ZNF407: variants seen among roughly 807,000 people sequenced by gnomAD.
The protein encoded by ZNF407 is zinc finger protein 407.
A neutral mutation model predicts 131.2 loss-of-function variants in ZNF407; 17 were observed. The ratio of observed to expected loss-of-function variants is 0.13; its 90% CI spans 0.09 to 0.19. The LOEUF (loss-of-function observed/expected upper bound fraction) is 0.19, where lower values mean the gene tolerates loss of function less well. Among genes scored for constraint, ZNF407 ranks in the 10% least tolerant of loss-of-function variants. The pLI, the probability that ZNF407 is intolerant of heterozygous loss-of-function variation, is 1.00. For synonymous variants in ZNF407, 1,156 were observed against 1,062.0 expected, an observed-to-expected ratio of 1.09 and a Z score of -1.72; for missense variants, 2,681 against 2,830.6, an observed-to-expected ratio of 0.95 and a Z score of 1.20.
intron 8 of ZNF407, among the ~76,000 whole-genome samples, chr18:74,928,375 A>T (rs549459859): frequency 6.6e-6 from 1 of 152,314 alleles, no homozygotes; most frequent in East Asian, 1.9e-4. Context: ...TATTATGTAG[A>T]TGAAGCTTCC....
At chr18:74,682,920 A>G (rs545689976) in intron 3 of ZNF407, among the ~76,000 whole-genome samples, 1 of 152,226 alleles carries the variant, frequency 6.6e-6, no homozygotes, top group South Asian at 2.1e-4. Flanking sequence ...CTTTCTGTGC[A>G]TGTATGCACA....
Position 74,635,177 on chromosome 18 carries a change from TAGTG to T in ZNF407, c.4161_4164del (p.Glu1388CysfsTer3). On this transcript the variant is annotated frameshift_variant, in exon 2 of 9. Coordinates refer to ENST00000299687, the MANE Select transcript of ZNF407 (RefSeq NM_017757.3). LOFTEE classifies it high-confidence loss of function. The surrounding 1 kb of genome is among the most constrained non-coding windows in gnomAD (Gnocchi z 4.7). Reference sequence around the variant, plus strand: ...GCTTGATAGCAACGGGAGTGAGAATTAGTGAGCTGCCCTTGAAAGACTGTGCTCA... The same window carrying T: ...GCTTGATAGCAACGGGAGTGAGAATTAGCTGCCCTTGAAAGACTGTGCTCA... 6.2e-7 allele frequency: 1 copy of T among 1,613,954 alleles called. No homozygotes were observed.
rs544770885 is a variant in ZNF407 at position 74,657,702 on chromosome 18, C to T, written c.4802+16580C>T. Among the ~76,000 whole-genome samples the T allele has an allele frequency of 2.6e-5, 4 of 152,244 alleles. No individual in the cohort carries two copies. The South Asian group carries it at 8.3e-4, about 32-fold the overall frequency. ...TTCCTCGGCATTGTCTGAATCACTT[C>T]TTATACCCCACTGCAGCAGCAGTGT... is the stretch of plus-strand genomic sequence containing the variant. On this transcript the variant is annotated intron_variant, in intron 3 of 8. Transcript: ENST00000299687.
In ZNF407 at chr18:75,060,757, G is replaced by A. The variant is rs568954841; in HGVS notation, c.5429-2393G>A. ...CCTGACCTCGTGATCCGTCCGCCTC[G>A]GCCTCCCAAAGTGCTGGGATGACAG... On this transcript the variant is annotated intron_variant, in intron 8 of 8. Coordinates refer to ENST00000299687, the MANE Select transcript of ZNF407 (RefSeq NM_017757.3). Among the ~76,000 whole-genome samples, 49 of 151,464 alleles carry A rather than the reference G, an allele frequency of 3.2e-4. No individual in the cohort carries two copies. The South Asian group carries it at 4.2e-3, about 13-fold the overall frequency.
chr18:74,757,552 A>T (rs1279979452), intron 3 of ZNF407, among the ~76,000 whole-genome samples: 1 of 152,052 alleles, frequency 6.6e-6, no homozygotes, highest in Non-Finnish European at 1.5e-5. Flanking sequence ...AGATGTCCTG[A>T]TGCTTATTTT....
At chr18:74,657,919 C>G (rs1205975150) in intron 3 of ZNF407, among the ~76,000 whole-genome samples, 1 of 151,492 alleles carries the variant, frequency 6.6e-6, no homozygotes, top group Non-Finnish European at 1.5e-5. Context: ...TCTTCTTCTT[C>G]TTCTTCTTCT....
In ZNF407 at chr18:74,635,715, C is replaced by G; in HGVS notation, c.4687+9C>G. 1 of 1,554,846 alleles carries G rather than the reference C, an allele frequency of 6.4e-7. No individual in the cohort carries two copies. Among genetic ancestry groups the G allele is most frequent in the Non-Finnish European group, 8.7e-7 (1 of 1,150,806 alleles). On this transcript the variant is annotated intron_variant, in intron 2 of 8. Transcript: ENST00000299687. This position sits in a 1 kb window ranked among gnomAD's most constrained non-coding sequence, Gnocchi z 4.7. ...CATTCGCACTCACACAGGTATGTAG[C>G]TCTGCAGCAAGCCAAGTCAGTGAGG...
intron 8 of ZNF407, among the ~76,000 whole-genome samples, chr18:74,964,633 T>C (rs1385357158): frequency 2.6e-5 from 4 of 151,514 alleles, no homozygotes; most frequent in Non-Finnish European, 4.4e-5. Context: ...AACCAAACTT[T>C]TAAATTGTTG....
chr18:75,055,061 C>G (rs562222882), intron 8 of ZNF407, among the ~76,000 whole-genome samples: 1 of 152,182 alleles, frequency 6.6e-6, no homozygotes. Flanking sequence ...CCTCAACACC[C>G]GGAAATGTGT....
In ZNF407 at chr18:74,648,732, G is replaced by A. The variant is rs921007855; in HGVS notation, c.4802+7610G>A. On this transcript the variant is annotated intron_variant, in intron 3 of 8. Transcript: ENST00000299687. ...AATAATAATTAAGAGGACATATGCA[G>A]TTACGTAGCCGTGCTACCTATGTCC... is the stretch of plus-strand genomic sequence containing the variant. Among the ~76,000 whole-genome samples, 6 of 152,212 alleles carry A rather than the reference G, an allele frequency of 3.9e-5. No homozygotes were observed. In the South Asian group the frequency reaches 1.2e-3, roughly 32 times the overall value.
chr18:74,678,286 G>GAA (rs746083088), intron 3 of ZNF407, among the ~76,000 whole-genome samples: 60 of 152,192 alleles, frequency 3.9e-4, no homozygotes, highest in Non-Finnish European at 4.1e-4. Flanking sequence ...AGTACAGTTT[G>GAA]AAGCTGGGCA....
At chr18:74,654,746 T>A (rs892540145) in intron 3 of ZNF407, among the ~76,000 whole-genome samples, 1 of 151,904 alleles carries the variant, frequency 6.6e-6, no homozygotes, top group African/African-American at 2.4e-5. Flanking sequence ...ATTGTTCATT[T>A]TTCTGGTCTG....
At chr18:74,640,811 C>G (rs1984679572) in intron 2 of ZNF407, among the ~76,000 whole-genome samples, 197 bp from the exon 3 acceptor site, 1 of 152,144 alleles carries the variant, frequency 6.6e-6, no homozygotes, top group Admixed American at 6.5e-5. Flanking sequence ...TAGGAAGACT[C>G]ACTGAAACAA....
intron 7 of ZNF407, among the ~76,000 whole-genome samples, chr18:74,916,744 T>C (rs1971775636): frequency 7.2e-6 from 1 of 138,996 alleles, no homozygotes; most frequent in Non-Finnish European, 1.5e-5. Context: ...TGTGTGCTGG[T>C]ATGGTGAGAT....
chr18:74,677,257 A>G (rs936314313), intron 3 of ZNF407, among the ~76,000 whole-genome samples: 2 of 151,960 alleles, frequency 1.3e-5, no homozygotes, highest in Non-Finnish European at 2.9e-5. Flanking sequence ...CACCAGGTTA[A>G]TTTCTGTATT....
Position 74,988,637 on chromosome 18 carries a change from TATA to T in ZNF407, c.5428+67956_5428+67958del, listed in dbSNP as rs1431634398. Among the ~76,000 whole-genome samples the T allele has an allele frequency of 5.9e-5, 9 of 151,352 alleles. No homozygotes were observed. The South Asian group carries it at 1.7e-3, about 28-fold the overall frequency. On this transcript the variant is annotated intron_variant, in intron 8 of 8. Coordinates refer to ENST00000299687, the MANE Select transcript of ZNF407 (RefSeq NM_017757.3). ...AATTCTGTAACCCTAAAACTTGAAG[TATA>T]ATAATAATAAAAAAAATAAATAAAC...
At chr18:75,034,404 T>C (rs1241336415) in intron 8 of ZNF407, among the ~76,000 whole-genome samples, 3 of 149,206 alleles carry the variant, frequency 2.0e-5, no homozygotes, top group Middle Eastern at 6.9e-3. Flanking sequence ...CCCGGGTTCA[T>C]GCCATTCTCC....
intron 3 of ZNF407, among the ~76,000 whole-genome samples, chr18:74,696,439 T>C (rs1482042199): frequency 2.0e-5 from 3 of 152,196 alleles, no homozygotes; most frequent in African/African-American, 7.2e-5. Flanking sequence ...GCATGCTGGA[T>C]CTAAGTGTTG....
At chr18:74,626,476 T>G (rs147608777) in intron 1 of ZNF407, among the ~76,000 whole-genome samples, 14 of 152,384 alleles carry the variant, frequency 9.2e-5, no homozygotes, top group African/African-American at 3.1e-4. Context: ...TGGCCTTGTA[T>G]TGAGGTCACT....
Sources: allele counts gnomAD v4.1 joint callset (sites outside exome capture counted in the v4.1 genomes callset), GRCh38; gene constraint gnomAD v4.1.1; non-coding constraint Gnocchi (gnomAD v3.1); transcripts MANE v1.5; gene names NCBI Gene and HGNC (gene_info 2026-07-23, HGNC 2026-07-21).